Variants in CCSER1 observed in about 807,000 individuals in gnomAD.
The protein encoded by CCSER1 is serine-rich coiled-coil domain-containing protein 1.
Under a neutral mutation model 82.0 loss-of-function variants are expected in CCSER1, and 41 were observed. That is an observed-to-expected ratio of 0.50 (90% CI 0.39 to 0.65). The LOEUF (loss-of-function observed/expected upper bound fraction) is 0.65. Among genes scored for constraint, CCSER1 ranks in the 30% least tolerant of loss-of-function variants. The pLI is 0.00. For synonymous variants in CCSER1, 414 were observed against 383.9 expected (o/e 1.08, Z -0.92); for missense variants, 1,119 against 1,064.2 (o/e 1.05, Z -0.72).
intron 3 of CCSER1, among the ~76,000 whole-genome samples, chr4:90,334,179 A>T (rs1739926864): frequency 6.6e-6 from 1 of 152,164 alleles, no homozygotes; most frequent in Non-Finnish European, 1.5e-5. Context: ...AAAGTATTTC[A>T]GTAAGGCAGG....
rs577893539 is a variant in CCSER1 at position 90,668,955 on chromosome 4, C to T, written c.1932+40723C>T. ...GAATCATGTACACATATAATTATTG[C>T]ACAAGGTATAATATAATAAGGGCCA... On this transcript the variant is annotated intron_variant, in intron 6 of 10. Transcript: ENST00000509176. 1.2e-4 allele frequency among the ~76,000 whole-genome samples: 19 copies of T among 152,024 alleles called. No individual in the cohort carries two copies. The South Asian group carries it at 3.9e-3, about 32-fold the overall frequency.
At chr4:90,271,844 A>ATG (rs1726401802) in intron 1 of CCSER1, among the ~76,000 whole-genome samples, 1 of 22,418 alleles carries the variant, frequency 4.5e-5, no homozygotes, top group African/African-American at 3.3e-4. Flanking sequence ...ATATATATAT[A>ATG]TATATATATA....
intron 5 of CCSER1, among the ~76,000 whole-genome samples, chr4:90,473,999 G>T (rs1385710315): frequency 6.6e-6 from 1 of 152,112 alleles, no homozygotes. Context: ...AAATTAGCTG[G>T]GCGTGGTGGC....
At position 91,186,468 on chromosome 4, in the gene CCSER1, C is replaced by T. The variant is rs368612955; in HGVS notation, c.2217+100474C>T. On this transcript the variant is annotated intron_variant, in intron 10 of 10. Transcript: ENST00000509176. ...TAGTTTTCCATTCCAACCATCGCTC[C>T]GGCAATCCTTCGACCTGGATTCGAG... Among the ~76,000 whole-genome samples, 463 of 152,138 alleles carry T rather than the reference C, an allele frequency of 3.0e-3. 1 individual carries two copies. The highest frequency in any genetic ancestry group is 0.01 in the African/African-American group (431 of 41,468).
intron 1 of CCSER1, among the ~76,000 whole-genome samples, chr4:90,155,567 G>T (rs1680962814): frequency 6.6e-6 from 1 of 152,028 alleles, no homozygotes; most frequent in Non-Finnish European, 1.5e-5. Flanking sequence ...TCCTGTTATT[G>T]GTCTATTCAG....
chr4:91,204,879 AT>A (rs1305003488), intron 10 of CCSER1, among the ~76,000 whole-genome samples: 2 of 151,704 alleles, frequency 1.3e-5, no homozygotes, highest in Non-Finnish European at 3.0e-5. Context: ...TTCTTTGGAA[AT>A]AACTTGCTTT....
At chr4:90,154,457 A>T (rs1180635699) in intron 1 of CCSER1, among the ~76,000 whole-genome samples, 1 of 152,006 alleles carries the variant, frequency 6.6e-6, no homozygotes, top group Non-Finnish European at 1.5e-5. Context: ...TGAATCTATA[A>T]ATTACCTTGG....
intron 10 of CCSER1, among the ~76,000 whole-genome samples, chr4:91,180,710 C>G (rs918714370): frequency 7.9e-5 from 12 of 151,868 alleles, no homozygotes; most frequent in African/African-American, 2.4e-4. Flanking sequence ...TCAGGGAGAC[C>G]CTAACTCAGC....
At chr4:90,254,978 AAC>A (rs142987718) in intron 1 of CCSER1, among the ~76,000 whole-genome samples, 5,059 of 142,592 alleles carry the variant, frequency 0.035, 79 homozygotes, top group Non-Finnish European at 0.05. Context: ...CATATATATC[AAC>A]ACACACACAC....
intron 8 of CCSER1, among the ~76,000 whole-genome samples, chr4:90,883,735 T>C (rs1721689557): frequency 6.6e-6 from 1 of 152,208 alleles, no homozygotes; most frequent in Non-Finnish European, 1.5e-5. Flanking sequence ...TGCTTTGGCT[T>C]CATGCTGTGG....
At chr4:91,070,713 G>A (rs1721334407) in intron 9 of CCSER1, among the ~76,000 whole-genome samples, 1 of 152,122 alleles carries the variant, frequency 6.6e-6, no homozygotes, top group Non-Finnish European at 1.5e-5. Flanking sequence ...ATCTGAGGTT[G>A]AAAAATTTCA....
intron 8 of CCSER1, among the ~76,000 whole-genome samples, chr4:90,827,028 G>T (rs184260133): frequency 4.6e-5 from 7 of 152,290 alleles, no homozygotes; most frequent in African/African-American, 1.7e-4. Context: ...TTATTTGATG[G>T]CCATGGAATT....
intron 3 of CCSER1, among the ~76,000 whole-genome samples, chr4:90,351,899 TC>T (rs1407750300): frequency 2.0e-5 from 3 of 152,222 alleles, no homozygotes; most frequent in African/African-American, 7.2e-5. Flanking sequence ...ATGGATGACT[TC>T]CATTTATACT....
chr4:90,309,478 G>A lies in CCSER1; in HGVS notation c.1194G>A (p.Glu398=). ...CCCCAAGGAAACTTGGATTTTATGA[G>A]CAACATAAAGCAATAGCGGAACATG... ...TNSPRKLGFY[E]QHKAIAEHVK... The change falls in exon 2 of 11, where the codon GAG becomes GAA. Residue 398 remains glutamate, a synonymous_variant. Coordinates refer to ENST00000509176, the MANE Select transcript of CCSER1 (RefSeq NM_001145065.2). 1 of 1,613,800 alleles carries A rather than the reference G, an allele frequency of 6.2e-7. No individual in the cohort carries two copies. The highest frequency in any genetic ancestry group is 1.1e-5 in the South Asian group (1 of 91,074).
intron 10 of CCSER1, among the ~76,000 whole-genome samples, chr4:91,192,300 C>T (rs1428544331): frequency 6.6e-6 from 1 of 152,020 alleles, no homozygotes; most frequent in African/African-American, 2.4e-5. Context: ...AAGAAAATTC[C>T]CCTACTTCCA....
At chr4:90,608,972 C>T (rs1047340812) in intron 5 of CCSER1, among the ~76,000 whole-genome samples, 3 of 151,912 alleles carry the variant, frequency 2.0e-5, no homozygotes, top group Non-Finnish European at 2.9e-5. Flanking sequence ...ATGGGATTCT[C>T]TCCCCATTTC....
intron 5 of CCSER1, among the ~76,000 whole-genome samples, chr4:90,555,110 A>T (rs977264743): frequency 1.3e-5 from 2 of 152,060 alleles, no homozygotes; most frequent in Non-Finnish European, 2.9e-5. Context: ...TAAACATAAA[A>T]TTCATTTTTT....
At chr4:91,033,617 C>A (rs1531403) in intron 9 of CCSER1, among the ~76,000 whole-genome samples, 125,448 of 152,046 alleles carry the variant, frequency 0.83, 52,763 homozygotes, top group East Asian at 0.91. Flanking sequence ...TTTCTACTCA[C>A]GCTATCATGA....
At chr4:91,360,647 A>G (rs762340794) in intron 10 of CCSER1, among the ~76,000 whole-genome samples, 6 of 151,796 alleles carry the variant, frequency 4.0e-5, no homozygotes, top group African/African-American at 1.4e-4. Context: ...AGCTCAGCCA[A>G]CAAGACAGCC....
Sources: allele counts gnomAD v4.1 joint callset (sites outside exome capture counted in the v4.1 genomes callset), GRCh38; gene constraint gnomAD v4.1.1; transcripts MANE v1.5; gene names NCBI Gene and HGNC (gene_info 2026-07-23, HGNC 2026-07-21).